Variants in USP47 observed in about 807,000 individuals in gnomAD.
USP47 encodes the protein ubiquitin specific peptidase 47, also known as ubiquitin carboxyl-terminal hydrolase 47.
In USP47, 35 loss-of-function variants were observed where a neutral mutation model predicts 165.1. That is an observed-to-expected ratio of 0.21 (90% confidence interval 0.16 to 0.28). The LOEUF (loss-of-function observed/expected upper bound fraction) is 0.28. Ranked by LOEUF, USP47 falls within the 10% of genes least tolerant of loss-of-function variation. The pLI, the probability that USP47 is intolerant of heterozygous loss-of-function variation, is 1.00. For missense variants in USP47, 1,277 were observed against 1,607.4 expected (o/e 0.79, Z 3.52); for synonymous variants, 531 against 544.5 (o/e 0.98, Z 0.35).
chr11:11,940,259 A>G lies in USP47; in HGVS notation c.2194-170A>G, dbSNP rs563433414. On this transcript the variant is annotated intron_variant, in intron 18 of 27. Coordinates refer to ENST00000527733, the MANE Select transcript of USP47 (RefSeq NM_001282659.2). ...CTGATTTGCAGTATAATTTATGGCT[A>G]TAAGTAATTTTTCCCTTCAATTATT... Among the ~76,000 whole-genome samples, 6 of 152,176 alleles carry G rather than the reference A, an allele frequency of 3.9e-5. 1 individual carries two copies. The highest frequency in any genetic ancestry group is 1.2e-4 in the African/African-American group (5 of 41,560).
chr11:11,858,518 T>C (rs1849192566), intron 1 of USP47, among the ~76,000 whole-genome samples: 2 of 152,200 alleles, frequency 1.3e-5, no homozygotes, highest in African/African-American at 4.8e-5. Flanking sequence ...AGAAAAGTTC[T>C]CTGTTGTCTC....
chr11:11,937,749 T>A (rs1369770772), intron 17 of USP47, among the ~76,000 whole-genome samples: 2 of 151,874 alleles, frequency 1.3e-5, no homozygotes, highest in African/African-American at 2.4e-5. Context: ...CAAATTTAGA[T>A]TAACAACGTA....
At chr11:11,903,239 T>G in intron 6 of USP47, 24 bp from the exon 7 acceptor site, 1 of 1,597,762 alleles carries the variant, frequency 6.3e-7, no homozygotes, top group Non-Finnish European at 8.5e-7. Flanking sequence ...TAGCTATTTC[T>G]AATTGAATTT....
intron 23 of USP47, 64 bp downstream of exon 23, chr11:11,950,068 G>A (rs1330094382): frequency 8.3e-7 from 1 of 1,202,954 alleles, no homozygotes; most frequent in African/African-American, 1.6e-5. Flanking sequence ...GAAATGGACT[G>A]GTATGATTTT....
chr11:11,852,951 G>A (rs1277520994), intron 1 of USP47, among the ~76,000 whole-genome samples: 1 of 152,072 alleles, frequency 6.6e-6, no homozygotes, highest in Non-Finnish European at 1.5e-5. Context: ...TTTTTGTCCT[G>A]CAGTTTTTAA....
Position 11,959,504 on chromosome 11 carries a change from C to G in USP47, c.*3329C>G, listed in dbSNP as rs761969413. Among the ~76,000 whole-genome samples, 1 of 152,110 alleles carries G rather than the reference C, an allele frequency of 6.6e-6. No individual in the cohort carries two copies. Among genetic ancestry groups the G allele is most frequent in the Non-Finnish European group, 1.5e-5 (1 of 68,022 alleles). ...TGGCCCAAATGAAGCTTGTGGCCAC[C>G]TAGGTTTAGTGTACATGAAATTGGA... On this transcript the variant is annotated 3_prime_UTR_variant, in exon 28 of 28. Transcript: ENST00000527733.
At chr11:11,890,215 C>T (rs1471736090) in intron 3 of USP47, among the ~76,000 whole-genome samples, 1 of 152,082 alleles carries the variant, frequency 6.6e-6, no homozygotes, top group African/African-American at 2.4e-5. Flanking sequence ...TCTAATTAAA[C>T]TAAAGGGCTT....
At chr11:11,947,613 G>A (rs1236483700) in intron 20 of USP47, among the ~76,000 whole-genome samples, 1 of 152,144 alleles carries the variant, frequency 6.6e-6, no homozygotes, top group Non-Finnish European at 1.5e-5. Flanking sequence ...AGGTGGGATT[G>A]GAACCACCAG....
At chr11:11,902,995 AAC>A in intron 6 of USP47, 135 bp downstream of exon 6, 1 of 980,580 alleles carries the variant, frequency 1.0e-6, no homozygotes, top group Non-Finnish European at 1.4e-6. Flanking sequence ...TATATTTTCT[AAC>A]ACATTTCATA....
intron 6 of USP47, among the ~76,000 whole-genome samples, 187 bp from the exon 7 acceptor site, chr11:11,903,076 T>C (rs1852329677): frequency 6.6e-6 from 1 of 152,184 alleles, no homozygotes; most frequent in Non-Finnish European, 1.5e-5. Context: ...ATTTATAGAA[T>C]GCTGCAATCT....
intron 8 of USP47, among the ~76,000 whole-genome samples, chr11:11,916,676 A>T (rs1336044017): frequency 6.6e-6 from 1 of 152,164 alleles, no homozygotes; most frequent in Non-Finnish European, 1.5e-5. Flanking sequence ...TTGAAAGAGA[A>T]GACCAGCAAA....
intron 1 of USP47, among the ~76,000 whole-genome samples, chr11:11,855,905 A>G (rs1849011591): frequency 6.6e-6 from 1 of 152,202 alleles, no homozygotes; most frequent in Non-Finnish European, 1.5e-5. Flanking sequence ...AATGGAAGAG[A>G]CAAACAGGTG....
chr11:11,848,289 C>G (rs1429893610), intron 1 of USP47, among the ~76,000 whole-genome samples: 1 of 152,188 alleles, frequency 6.6e-6, no homozygotes, highest in African/African-American at 2.4e-5. Flanking sequence ...GTTTAGCCTG[C>G]TACACACCTA....
intron 5 of USP47, among the ~76,000 whole-genome samples, chr11:11,897,925 G>A (rs894286121): frequency 6.6e-6 from 1 of 152,058 alleles, no homozygotes; most frequent in Non-Finnish European, 1.5e-5. Context: ...AAATTGATGA[G>A]ATTTACATGT....
intron 1 of USP47, among the ~76,000 whole-genome samples, chr11:11,864,960 A>G (rs974704193): frequency 6.6e-6 from 1 of 152,048 alleles, no homozygotes; most frequent in Non-Finnish European, 1.5e-5. Context: ...TCAGCCCTTG[A>G]AGTGTTGTGC....
intron 2 of USP47, among the ~76,000 whole-genome samples, 174 bp from the exon 3 acceptor site, chr11:11,884,293 A>C (rs923964790): frequency 6.6e-6 from 1 of 152,144 alleles, no homozygotes; most frequent in African/African-American, 2.4e-5. Context: ...ATGCACTGTT[A>C]CTGGGCTTAG....
chr11:11,931,107 G>GCACA (rs1854633196), intron 14 of USP47, among the ~76,000 whole-genome samples: 1 of 152,038 alleles, frequency 6.6e-6, no homozygotes, highest in Non-Finnish European at 1.5e-5. Context: ...GACTCAGGCT[G>GCACA]TATTACAAAT....
chr11:11,903,720 G>A (rs1852371276), intron 7 of USP47, among the ~76,000 whole-genome samples: 1 of 152,134 alleles, frequency 6.6e-6, no homozygotes, highest in Admixed American at 6.6e-5. Context: ...TAGTCATGAA[G>A]CATTACCTTT....
Position 11,948,050 on chromosome 11 carries a change from A to C in USP47, c.3197A>C (p.Tyr1066Ser). 1 of 1,613,868 alleles carries C rather than the reference A, an allele frequency of 6.2e-7. No homozygotes were observed. The highest frequency in any genetic ancestry group is 8.5e-7 in the Non-Finnish European group (1 of 1,179,864). ...LSSHFKVFRV[Y>S]ASNQEFESVR... Reference sequence around the variant, plus strand: ...TCTCACTTCAAGGTCTTTCGAGTGTATGCCAGCAATCAAGAGTTTGAGAGC... The same window carrying C: ...TCTCACTTCAAGGTCTTTCGAGTGTCTGCCAGCAATCAAGAGTTTGAGAGC... Residue 1066 changes from tyrosine (Y) to serine (S), a missense_variant, in exon 21 of 28, where the codon TAT (tyrosine) becomes TCT (serine). By Grantham distance (144) the Tyr-to-Ser change is moderately radical. Coordinates refer to ENST00000527733, the MANE Select transcript of USP47 (RefSeq NM_001282659.2).
Sources: gnomAD v4.1 joint callset for allele counts (sites outside exome capture counted in the v4.1 genomes callset) on GRCh38, gnomAD v4.1.1 for gene constraint, MANE v1.5 for transcripts, NCBI Gene and HGNC (gene_info 2026-07-23, HGNC 2026-07-21) for gene names.